The following SAMSN1 variants were observed in gnomAD, a reference collection of about 807,000 sequenced individuals.
SAMSN1 encodes the protein SAM domain, SH3 domain and nuclear localization signals 1.
A neutral mutation model predicts 42.0 loss-of-function variants in SAMSN1; 31 were observed. The ratio of observed to expected loss-of-function variants is 0.74; its 90% CI spans 0.55 to 1.00. The LOEUF (loss-of-function observed/expected upper bound fraction) is 1.00, where lower values mean the gene tolerates loss of function less well. Among genes scored for constraint, SAMSN1 ranks in the 50% least tolerant of loss-of-function variants. The probability of loss-of-function intolerance (pLI) is 0.00; values close to 1 mark genes in which losing one functional copy is unlikely to be tolerated. For missense variants in SAMSN1, 464 were observed against 439.4 expected (o/e 1.06, Z -0.50); for synonymous variants, 178 against 151.9 (o/e 1.17, Z -1.26).
At chr21:14,555,998 T>G (rs1414004154) in intron 2 of SAMSN1, among the ~76,000 whole-genome samples, 1 of 152,206 alleles carries the variant, frequency 6.6e-6, no homozygotes, top group Non-Finnish European at 1.5e-5. Context: ...TAGATTGTAC[T>G]GATCAATAGA....
intron 6 of SAMSN1, among the ~76,000 whole-genome samples, chr21:14,500,031 G>C (rs1472373639): frequency 6.6e-6 from 1 of 152,120 alleles, no homozygotes; most frequent in Non-Finnish European, 1.5e-5. Flanking sequence ...AGACAACACA[G>C]TTTCCTTAAC....
chr21:14,582,243 G>A (rs867060362), exon 2 of SAMSN1: 1 of 1,550,890 alleles, frequency 6.4e-7, no homozygotes, highest in Non-Finnish European at 8.7e-7. Context: ...TGGAAATCAA[G>A]ACATGTCCAG....
At chr21:14,544,814 T>C (rs1438021046) in intron 1 of SAMSN1, among the ~76,000 whole-genome samples, 1 of 152,176 alleles carries the variant, frequency 6.6e-6, no homozygotes, top group African/African-American at 2.4e-5. Context: ...CACTATAAAA[T>C]ACAGGCTTTA....
chr21:14,582,387 T>C (rs756807173), exon 2 of SAMSN1: 25 of 1,550,144 alleles, frequency 1.6e-5, no homozygotes, highest in Non-Finnish European at 2.2e-5. Context: ...GTATCCAATC[T>C]AATCTCCATT....
intron 2 of SAMSN1, among the ~76,000 whole-genome samples, chr21:14,640,606 G>A (rs761572669): frequency 1.3e-5 from 2 of 152,054 alleles, no homozygotes; most frequent in South Asian, 2.1e-4. Context: ...ATATAGGAAA[G>A]CTCCAAACCA....
intron 2 of SAMSN1, among the ~76,000 whole-genome samples, chr21:14,566,663 A>G (rs2123209783): frequency 6.6e-6 from 1 of 152,026 alleles, no homozygotes; most frequent in South Asian, 2.1e-4. Context: ...TCAGCCTCTC[A>G]AGTAGCTGGG....
At chr21:14,604,996 C>T (rs1224989066) in intron 5 of SAMSN1, among the ~76,000 whole-genome samples, 7 of 152,204 alleles carry the variant, frequency 4.6e-5, no homozygotes, top group Non-Finnish European at 1.0e-4. Flanking sequence ...AATAGATTAT[C>T]AGAACATGCA....
At chr21:14,529,680 G>A (rs1979113617) in intron 1 of SAMSN1, among the ~76,000 whole-genome samples, 1 of 152,074 alleles carries the variant, frequency 6.6e-6, no homozygotes, top group African/African-American at 2.4e-5. Flanking sequence ...ATAGAATCCT[G>A]TTCAAATGAA....
intron 1 of SAMSN1, among the ~76,000 whole-genome samples, chr21:14,538,917 G>C (rs1262418019): frequency 2.0e-5 from 3 of 152,090 alleles, no homozygotes; most frequent in African/African-American, 7.2e-5. Context: ...AATAACAATG[G>C]TACTTGAATC....
At chr21:14,559,524 G>C (rs1383899400) in intron 2 of SAMSN1, among the ~76,000 whole-genome samples, 9 of 152,148 alleles carry the variant, frequency 5.9e-5, no homozygotes, top group Admixed American at 2.0e-4. Flanking sequence ...TTTTTCCAGA[G>C]AGTGGGGCTC....
At chr21:14,531,685 TTAAAA>T (rs1182925147) in intron 1 of SAMSN1, among the ~76,000 whole-genome samples, 2 of 152,124 alleles carry the variant, frequency 1.3e-5, no homozygotes, top group African/African-American at 4.8e-5. Context: ...ACTCCAGATT[TTAAAA>T]TAAAATAAAA....
At chr21:14,626,252 T>C (rs1983166567) in intron 2 of SAMSN1, among the ~76,000 whole-genome samples, 1 of 152,090 alleles carries the variant, frequency 6.6e-6, no homozygotes, top group Non-Finnish European at 1.5e-5. Context: ...CCAAAAGCAA[T>C]GGCAACAAAA....
At chr21:14,635,711 G>T (rs569260375) in intron 2 of SAMSN1, among the ~76,000 whole-genome samples, 4 of 152,118 alleles carry the variant, frequency 2.6e-5, no homozygotes, top group Admixed American at 1.3e-4. Flanking sequence ...TACTCTGCCC[G>T]GGTGTGGTGG....
chr21:14,576,407 GCTGT>G (rs1210059137), intron 2 of SAMSN1, among the ~76,000 whole-genome samples: 3 of 152,160 alleles, frequency 2.0e-5, no homozygotes, highest in African/African-American at 4.8e-5. Context: ...TCCCGGTTAA[GCTGT>G]CTGTCTCCAG....
intron 5 of SAMSN1, among the ~76,000 whole-genome samples, chr21:14,503,947 T>C (rs768279): frequency 0.28 from 42,894 of 152,004 alleles, 8,666 homozygotes; most frequent in African/African-American, 0.58. Context: ...CAGACAACCC[T>C]TAGTACCAGC....
chr21:14,639,768 T>C (rs1983549786), intron 2 of SAMSN1, among the ~76,000 whole-genome samples: 1 of 152,108 alleles, frequency 6.6e-6, no homozygotes, highest in African/African-American at 2.4e-5. Context: ...TTTCAGCGCA[T>C]TTACTTAGCC....
At chr21:14,626,262 A>G (rs1457926447) in intron 2 of SAMSN1, among the ~76,000 whole-genome samples, 9 of 152,226 alleles carry the variant, frequency 5.9e-5, no homozygotes, top group African/African-American at 1.9e-4. Flanking sequence ...TGGCAACAAA[A>G]GCCAAAATTG....
At chr21:14,578,680 C>CAAAAAAAAAA (rs769354531) in intron 2 of SAMSN1, among the ~76,000 whole-genome samples, 4 of 63,718 alleles carry the variant, frequency 6.3e-5, no homozygotes, top group African/African-American at 6.1e-5. Flanking sequence ...GAGAATCCAT[C>CAAAAAAAAAA]AAAAAAAAAA....
intron 5 of SAMSN1, among the ~76,000 whole-genome samples, chr21:14,607,253 T>C (rs916945173): frequency 6.6e-6 from 1 of 152,360 alleles, no homozygotes; most frequent in African/African-American, 2.4e-5. Context: ...TAAGTAGTTA[T>C]GCAATTAACA....
Sources: allele counts gnomAD v4.1 joint callset (sites outside exome capture counted in the v4.1 genomes callset), GRCh38; gene constraint gnomAD v4.1.1; transcripts MANE v1.5; gene names NCBI Gene and HGNC (gene_info 2026-07-23, HGNC 2026-07-21).